Variants in SHANK2 observed in about 807,000 individuals in gnomAD.
The protein encoded by SHANK2 is SH3 and multiple ankyrin repeat domains 2, also known as SH3 and multiple ankyrin repeat domains protein 2.
A neutral mutation model predicts 133.7 loss-of-function variants in SHANK2; 43 were observed. That is an observed-to-expected ratio of 0.32 (90% confidence interval 0.25 to 0.41). The LOEUF (loss-of-function observed/expected upper bound fraction) is 0.41, where lower values mean the gene tolerates loss of function less well. SHANK2 is among the 10% of genes least tolerant of loss of function. The probability of loss-of-function intolerance (pLI) is 1.00; values close to 1 mark genes in which losing one functional copy is unlikely to be tolerated. For missense variants in SHANK2, 1,994 were observed against 2,235.8 expected (o/e 0.89, Z 2.18); for synonymous variants, 1,017 against 952.8 (o/e 1.07, Z -1.24).
At chr11:70,619,404 G>A (rs1554996981) in intron 17 of SHANK2, among the ~76,000 whole-genome samples, 2 of 152,014 alleles carry the variant, frequency 1.3e-5, no homozygotes, top group Non-Finnish European at 2.9e-5. Context: ...TCCAAGTTCT[G>A]CCTTGGGGGG....
chr11:70,929,790 G>T (rs782685975), intron 10 of SHANK2, among the ~76,000 whole-genome samples: 8 of 152,208 alleles, frequency 5.3e-5, no homozygotes, highest in Non-Finnish European at 1.0e-4. Context: ...TGGGGGATTA[G>T]GATGCAGACA....
intron 14 of SHANK2, among the ~76,000 whole-genome samples, chr11:70,744,692 C>T (rs1331822649): frequency 1.3e-5 from 2 of 152,176 alleles, no homozygotes; most frequent in African/African-American, 2.4e-5. Context: ...GAAGTGCCAG[C>T]GTTTCTCCAA....
chr11:70,682,855 C>T (rs1161094521), intron 15 of SHANK2, among the ~76,000 whole-genome samples: 1 of 152,054 alleles, frequency 6.6e-6, no homozygotes, highest in Non-Finnish European at 1.5e-5. Flanking sequence ...AGGAGGATGA[C>T]GTGAGGATGG....
rs1232994564 is a variant in SHANK2 at position 71,082,945 on chromosome 11, C to A, written c.913-7670G>T. ...CAACGGATTGTTTCTTAACGCCCGC[C>A]CCCCCCCCAACCCTTCTGAAACAGG... On this transcript the variant is annotated intron_variant, in intron 8 of 25. Coordinates refer to ENST00000601538, the MANE Select transcript of SHANK2 (RefSeq NM_012309.5). Among the ~76,000 whole-genome samples the A allele has an allele frequency of 5.0e-5, 7 of 140,172 alleles. 1 individual carries two copies. Among genetic ancestry groups the A allele is most frequent in the Admixed American group, 2.1e-4 (3 of 14,070 alleles). 92.0% of individuals were successfully genotyped at this position (140,172 alleles called of 152,430 possible).
intron 9 of SHANK2, among the ~76,000 whole-genome samples, chr11:71,065,447 G>C (rs1399170672): frequency 4.2e-5 from 6 of 141,844 alleles, no homozygotes; most frequent in Admixed American, 7.0e-5. Context: ...TGAGCAGTGA[G>C]TGGGGAAGTT....
chr11:71,120,260 C>T (rs1233737149), intron 3 of SHANK2, among the ~76,000 whole-genome samples: 11 of 152,348 alleles, frequency 7.2e-5, no homozygotes, highest in African/African-American at 2.6e-4. Flanking sequence ...CTAGCCATGA[C>T]TTCTAATTTT....
At position 70,543,595 on chromosome 11, in the gene SHANK2, C is replaced by A. The variant is rs73522158; in HGVS notation, c.2062-40664G>T. Among the ~76,000 whole-genome samples, 811 of 152,256 alleles carry A rather than the reference C, an allele frequency of 5.3e-3. 5 individuals are homozygous for A. The highest frequency in any genetic ancestry group is 0.018 in the African/African-American group (760 of 41,532). On this transcript the variant is annotated intron_variant, in intron 17 of 25. Coordinates refer to ENST00000601538, the MANE Select transcript of SHANK2 (RefSeq NM_012309.5). ...GCCTGGGCAGGGCATCAAAGCTGCA[C>A]GCCTTCCCCTGTACCTCACCCCACA...
chr11:70,841,825 C>T (rs1183234424), intron 11 of SHANK2, among the ~76,000 whole-genome samples: 2 of 152,184 alleles, frequency 1.3e-5, no homozygotes, highest in Non-Finnish European at 2.9e-5. Flanking sequence ...CCTTCTCAGG[C>T]CTCAACCCCA....
At chr11:70,726,334 A>G (rs529757396) in intron 14 of SHANK2, among the ~76,000 whole-genome samples, 92 of 152,266 alleles carry the variant, frequency 6.0e-4, no homozygotes, top group African/African-American at 2.2e-3. Flanking sequence ...TCTGGCCACT[A>G]AAAGGAGCAC....
chr11:70,746,925 C>T (rs958189954), intron 14 of SHANK2, among the ~76,000 whole-genome samples: 34 of 151,522 alleles, frequency 2.2e-4, no homozygotes, highest in Middle Eastern at 6.8e-3. Flanking sequence ...TTCCCTCCAC[C>T]GCTGTACTCC....
At chr11:71,183,887 T>C (rs1953616855) in intron 2 of SHANK2, among the ~76,000 whole-genome samples, 1 of 152,108 alleles carries the variant, frequency 6.6e-6, no homozygotes. Context: ...TAATGTAACC[T>C]TGTAGGGGGA....
intron 15 of SHANK2, among the ~76,000 whole-genome samples, chr11:70,683,345 C>T (rs1945069723): frequency 6.6e-6 from 1 of 152,134 alleles, no homozygotes; most frequent in African/African-American, 2.4e-5. Context: ...TCCACTCTGC[C>T]GTTTCTGTGT....
At chr11:70,532,981 A>G (rs1179232554) in intron 17 of SHANK2, among the ~76,000 whole-genome samples, 2 of 152,232 alleles carry the variant, frequency 1.3e-5, no homozygotes, top group Non-Finnish European at 1.5e-5. Flanking sequence ...ATGATGCTGA[A>G]TGAAAGAAGC....
intron 17 of SHANK2, among the ~76,000 whole-genome samples, chr11:70,652,450 C>T (rs1450615898): frequency 6.6e-6 from 1 of 152,122 alleles, no homozygotes; most frequent in African/African-American, 2.4e-5. Context: ...AACTAATAGC[C>T]ACTGGTTTCC....
chr11:70,945,790 G>A (rs1215508551), intron 10 of SHANK2, among the ~76,000 whole-genome samples: 1 of 152,174 alleles, frequency 6.6e-6, no homozygotes, highest in Non-Finnish European at 1.5e-5. Context: ...TGAGTGGGAG[G>A]TTATGGGGGA....
chr11:70,742,379 T>G (rs1946546935), intron 14 of SHANK2, among the ~76,000 whole-genome samples: 1 of 152,232 alleles, frequency 6.6e-6, no homozygotes, highest in East Asian at 1.9e-4. Context: ...AAAAAGGGCC[T>G]GTCCCTCAGG....
rs547016898 is a variant in SHANK2 at position 70,836,928 on chromosome 11, T to C, written c.1175-16246A>G. Among the ~76,000 whole-genome samples, 10 of 152,322 alleles carry C rather than the reference T, an allele frequency of 6.6e-5. No homozygotes were observed. The South Asian group carries it at 1.0e-3, about 16-fold the overall frequency. The stretch of plus-strand genomic sequence containing the variant: ...ATGAGGTCAAGGAGGTGGGACCCCA[T>C]GATGGGACTGGTGTCCTTGTAAGAA... On this transcript the variant is annotated intron_variant, in intron 11 of 25. Transcript: ENST00000601538.
chr11:71,184,458 G>C (rs12362932), intron 2 of SHANK2, among the ~76,000 whole-genome samples: 2 of 152,118 alleles, frequency 1.3e-5, no homozygotes, highest in Admixed American at 1.3e-4. Context: ...CCTGAATGTC[G>C]GGGCTGGGTT....
intron 2 of SHANK2, among the ~76,000 whole-genome samples, chr11:71,194,205 A>G (rs1953852344): frequency 2.0e-5 from 3 of 152,198 alleles, no homozygotes; most frequent in Non-Finnish European, 2.9e-5. Flanking sequence ...AAGTGACCTG[A>G]GGCCACATCT....
Sources: gnomAD v4.1 joint callset for allele counts (sites outside exome capture counted in the v4.1 genomes callset) on GRCh38, gnomAD v4.1.1 for gene constraint, MANE v1.5 for transcripts, NCBI Gene and HGNC (gene_info 2026-07-23, HGNC 2026-07-21) for gene names.